HELLS: variants seen among roughly 807,000 people sequenced by gnomAD.
HELLS encodes lymphoid-specific helicase.
In HELLS, 32 loss-of-function variants were observed where a neutral mutation model predicts 120.0. The observed-to-expected ratio is 0.27, with a 90% CI of 0.20 to 0.36. HELLS has a LOEUF of 0.36. HELLS is among the 10% of genes least tolerant of loss of function. HELLS has a pLI of 1.00. For synonymous variants in HELLS, 341 were observed against 323.4 expected, an observed-to-expected ratio of 1.05 and a Z score of -0.58; for missense variants, 650 against 993.4, an observed-to-expected ratio of 0.65 and a Z score of 4.65.
chr10:94,589,864 T>G (rs1564612249), intron 13 of HELLS, among the ~76,000 whole-genome samples: 1 of 151,980 alleles, frequency 6.6e-6, no homozygotes, highest in Non-Finnish European at 1.5e-5. Context: ...TTTTTTCTAT[T>G]TTTGAGTAGA....
intron 8 of HELLS, 151 bp downstream of exon 8, chr10:94,574,338 T>A (rs774874512): frequency 2.8e-6 from 2 of 706,068 alleles, no homozygotes; most frequent in East Asian, 5.4e-5. Context: ...TTACCCTGAA[T>A]TTTTAGAAGT....
chr10:94,581,472 T>G lies in HELLS; in HGVS notation c.1179T>G (p.Leu393=), dbSNP rs774758197. ...CCTTGCAAAACAATTTATCAGAACT[T>G]TGGTCATTGCTAAACTTTTTGTTGC... ...GTPLQNNLSE[L]WSLLNFLLPD... is the part of the protein sequence containing the mutation. The change falls in exon 11 of 22, where the codon CTT becomes CTG. Residue 393 remains leucine, a synonymous_variant. Coordinates refer to ENST00000348459, the MANE Select transcript of HELLS (RefSeq NM_018063.5). 35 of 1,612,202 alleles carry G rather than the reference T, an allele frequency of 2.2e-5. No individual in the cohort carries two copies. Among genetic ancestry groups the G allele is most frequent in the Admixed American group, 1.2e-4 (7 of 59,588 alleles).
Position 94,554,067 on chromosome 10 carries a change from A to G in HELLS, c.154-59A>G, listed in dbSNP as rs543332826. On this transcript the variant is annotated intron_variant, in intron 2 of 21. Transcript: ENST00000348459. ...AGCCATTTTTATTAAACTTTATGCC[A>G]AAAAAATTAAGGTATGTCAGAAAGT... 11 of 1,461,160 alleles carry G rather than the reference A, an allele frequency of 7.5e-6. No homozygotes were observed. In the African/African-American group the frequency reaches 1.6e-4, roughly 22 times the overall value. 90.5% of individuals were successfully genotyped at this position (1,461,160 alleles called of 1,614,324 possible). A position where few individuals can be genotyped will look rare whatever the true frequency, so the allele number is the denominator to read the frequency against.
chr10:94,581,429 T>C lies in HELLS; in HGVS notation c.1136T>C (p.Leu379Pro). The C allele has an allele frequency of 6.2e-7, 1 of 1,613,204 alleles. No individual in the cohort carries two copies. The highest frequency in any genetic ancestry group is 8.5e-7 in the Non-Finnish European group (1 of 1,179,374). Residue 379 changes from leucine to proline, a missense_variant, in exon 11 of 22, where the codon CTT becomes CCT. Physicochemically the swap from Leu to Pro is moderately conservative, Grantham distance 98. Around this residue, in one of 9 missense-constraint regions of HELLS, gnomAD observed 48 missense variants for 127.0 expected, o/e 0.38. Transcript: ENST00000348459. The part of the protein sequence containing the change: ...ELKRFNADNK[L>P]LLTGTPLQNN... The stretch of plus-strand genomic sequence containing the variant: ...AAACGATTCAATGCTGATAACAAAC[T>C]TCTTTTGACTGGTACTCCCTTGCAA...
At chr10:94,605,072 T>TCTCCC (rs1846113438), downstream of HELLS, among the ~76,000 whole-genome samples, 1 of 66,824 alleles carries the variant, frequency 1.5e-5, no homozygotes, top group African/African-American at 7.6e-5. Flanking sequence ...GTCTTGTGTC[T>TCTCCC]CCCCCCCCCC....
intron 21 of HELLS, among the ~76,000 whole-genome samples, chr10:94,601,237 CTTGT>C (rs1365095913): frequency 1.3e-5 from 2 of 152,104 alleles, no homozygotes; most frequent in Admixed American, 6.6e-5. Context: ...TGCTCTTTGA[CTTGT>C]TTATCTTACC....
chr10:94,602,715 C>T (rs1846076950), downstream of HELLS, among the ~76,000 whole-genome samples: 2 of 151,992 alleles, frequency 1.3e-5, no homozygotes, highest in African/African-American at 4.8e-5. Flanking sequence ...TTATTTTAAT[C>T]GTTTTGAGGT....
chr10:94,588,038 ATGC>A (rs1845265599), intron 12 of HELLS, among the ~76,000 whole-genome samples, 188 bp from the exon 13 acceptor site: 1 of 152,192 alleles, frequency 6.6e-6, no homozygotes, highest in Admixed American at 6.5e-5. Context: ...AAATTCTGAA[ATGC>A]TGCGGACAAC....
chr10:94,579,598 G>A (rs573575770), intron 10 of HELLS, among the ~76,000 whole-genome samples: 6 of 151,054 alleles, frequency 4.0e-5, no homozygotes, highest in Middle Eastern at 3.4e-3. Flanking sequence ...CTGGAGTCCT[G>A]TGGCACGATC....
rs147615331 is a variant in HELLS at position 94,582,979 on chromosome 10, G to A, written c.1246G>A (p.Asp416Asn). The change falls in exon 12 of 22, where the codon GAC becomes AAC. Residue 416 changes from aspartate to asparagine, a missense_variant. Physicochemically the swap from Asp to Asn is conservative, Grantham distance 23. Around this residue, in one of 9 missense-constraint regions of HELLS, gnomAD observed 48 missense variants for 127.0 expected, o/e 0.38. Coordinates refer to ENST00000348459, the MANE Select transcript of HELLS (RefSeq NM_018063.5). ...DDLKSFESWF[D>N]ITSLSETAED... ...CTCTTCCAGCTTTGAGTCTTGGTTT[G>A]ACATCACTAGTCTTTCTGAAACTGC... is the stretch of plus-strand genomic sequence containing the variant. 16 of 1,598,344 alleles carry A rather than the reference G, an allele frequency of 1.0e-5. No individual in the cohort carries two copies. The highest frequency in any genetic ancestry group is 1.4e-5 in the Non-Finnish European group (16 of 1,171,212).
chr10:94,600,347 A>G (rs2134135759), intron 21 of HELLS, among the ~76,000 whole-genome samples: 1 of 152,274 alleles, frequency 6.6e-6, no homozygotes, highest in Admixed American at 6.5e-5. Context: ...CTGTTGTTAA[A>G]ATTTATATGA....
chr10:94,546,534 T>TCGACGAC (rs755066953), intron 2 of HELLS, 36 bp downstream of exon 2: 36 of 1,612,432 alleles, frequency 2.2e-5, no homozygotes, highest in Non-Finnish European at 8.5e-7. Context: ...CGTGAAAGCC[T>TCGACGAC]GTGGTAACCT....
intron 12 of HELLS, among the ~76,000 whole-genome samples, chr10:94,585,689 AT>A (rs538721729): frequency 0.018 from 2,460 of 138,796 alleles, 17 homozygotes; most frequent in Non-Finnish European, 0.023. Flanking sequence ...TGGCCAACAG[AT>A]TTTTTTTTTT....
At chr10:94,578,901 C>A (rs147127296) in intron 10 of HELLS, among the ~76,000 whole-genome samples, 98 of 151,968 alleles carry the variant, frequency 6.4e-4, no homozygotes, top group Non-Finnish European at 7.8e-4. Context: ...CCTGATCTGA[C>A]GGGAGGCAGA....
intron 6 of HELLS, chr10:94,570,441 C>T (rs1486801889): frequency 6.6e-6 from 1 of 152,094 alleles, no homozygotes; most frequent in Non-Finnish European, 1.5e-5. Context: ...ACTTCATACA[C>T]ACACGATATA....
intron 6 of HELLS, among the ~76,000 whole-genome samples, chr10:94,568,799 A>G: frequency 6.6e-6 from 1 of 151,720 alleles, no homozygotes; most frequent in East Asian, 1.9e-4. Context: ...AATCTCAAAA[A>G]TTACAAATGT....
rs1444448290 is a variant in HELLS at position 94,574,133 on chromosome 10, C to T, written c.651C>T (p.His217=). 6.2e-7 allele frequency: 1 copy of T among 1,613,962 alleles called. No individual in the cohort carries two copies. Among genetic ancestry groups the T allele is most frequent in the Non-Finnish European group, 8.5e-7 (1 of 1,180,004 alleles). The change falls in exon 8 of 22, where the codon CAC becomes CAT. Residue 217 remains histidine (H), a synonymous_variant. Transcript: ENST00000348459. The stretch of plus-strand genomic sequence containing the variant: ...CAGTACCTTTTCAACAACCAAAGCA[C>T]TTCACTGGAGGAGTGATGCGATGGT... The part of the protein sequence containing the change: ...GQPVPFQQPK[H]FTGGVMRWYQ...
intron 13 of HELLS, 53 bp downstream of exon 13, chr10:94,588,443 C>CT (rs1040652297): frequency 5.3e-6 from 7 of 1,325,026 alleles, no homozygotes; most frequent in South Asian, 1.7e-5. Flanking sequence ...TAAAATTTCT[C>CT]TTTTTTCCCT....
intron 13 of HELLS, among the ~76,000 whole-genome samples, chr10:94,589,523 G>T (rs1436012403): frequency 2.6e-5 from 4 of 151,752 alleles, no homozygotes; most frequent in South Asian, 2.1e-4. Context: ...GGAGATAGAG[G>T]TGGGATGTTA....
Sources: allele counts gnomAD v4.1 joint callset (sites outside exome capture counted in the v4.1 genomes callset), GRCh38; gene constraint gnomAD v4.1.1; regional missense constraint gnomAD v4.1.1; transcripts MANE v1.5; gene names NCBI Gene and HGNC (gene_info 2026-07-23, HGNC 2026-07-21).